The following GALNT13 variants were observed in gnomAD, a reference collection of about 807,000 sequenced individuals.
GALNT13 encodes the protein UDP-GalNAc:polypeptide N-acetylgalactosaminyltransferase 13.
A neutral mutation model predicts 64.2 loss-of-function variants in GALNT13; 28 were observed. That is an observed-to-expected ratio of 0.44 (90% CI 0.32 to 0.60). GALNT13 has a LOEUF of 0.60. Ranked by LOEUF, GALNT13 falls within the 20% of genes least tolerant of loss-of-function variation. The pLI, the probability that GALNT13 is intolerant of heterozygous loss-of-function variation, is 0.05. For synonymous variants in GALNT13, 214 were observed against 224.6 expected, an observed-to-expected ratio of 0.95 and a Z score of 0.42; for missense variants, 577 against 669.8, an observed-to-expected ratio of 0.86 and a Z score of 1.53.
intron 3 of GALNT13, among the ~76,000 whole-genome samples, chr2:154,067,735 TAAAGC>T (rs1700542100): frequency 6.6e-6 from 1 of 152,056 alleles, no homozygotes; most frequent in African/African-American, 2.4e-5. Context: ...ATTAAATACT[TAAAGC>T]TAAGACTTGA....
chr2:153,455,805 AT>A, the GALNT13 span, among the ~76,000 whole-genome samples: 2 of 152,160 alleles, frequency 1.3e-5, no homozygotes, highest in Admixed American at 1.3e-4. Context: ...TTGTGTCTGC[AT>A]TTGTGGCTCC....
the GALNT13 span, among the ~76,000 whole-genome samples, chr2:153,075,226 A>G: frequency 6.6e-6 from 1 of 152,202 alleles, no homozygotes; most frequent in Non-Finnish European, 1.5e-5. Flanking sequence ...AGTGGAAAAT[A>G]GAATACCGGT....
chr2:153,539,813 A>T, the GALNT13 span, among the ~76,000 whole-genome samples: 1 of 151,942 alleles, frequency 6.6e-6, no homozygotes, highest in Non-Finnish European at 1.5e-5. Flanking sequence ...GTATAGTTTG[A>T]AGTCAGGTAG....
chr2:154,388,559 A>G (rs769916201), intron 9 of GALNT13, among the ~76,000 whole-genome samples: 27 of 152,164 alleles, frequency 1.8e-4, no homozygotes, highest in Non-Finnish European at 3.4e-4. Flanking sequence ...TTTGATTTTT[A>G]TATTTGGTAT....
chr2:153,201,085 G>T, the GALNT13 span, among the ~76,000 whole-genome samples: 1 of 152,102 alleles, frequency 6.6e-6, no homozygotes, highest in African/African-American at 2.4e-5. Flanking sequence ...GAAATTCCCC[G>T]GTTTCTCTGA....
At chr2:153,583,259 T>C in the GALNT13 span, among the ~76,000 whole-genome samples, 1 of 152,190 alleles carries the variant, frequency 6.6e-6, no homozygotes, top group Non-Finnish European at 1.5e-5. Context: ...GCAAAAATTG[T>C]TTCAACATGT....
chr2:153,319,936 G>T, the GALNT13 span, among the ~76,000 whole-genome samples: 1 of 152,228 alleles, frequency 6.6e-6, no homozygotes, highest in African/African-American at 2.4e-5. Context: ...AGTGGAAGGG[G>T]AGACCAACCA....
chr2:154,297,152 G>A (rs1257044856), intron 8 of GALNT13, among the ~76,000 whole-genome samples: 1 of 151,640 alleles, frequency 6.6e-6, no homozygotes, highest in African/African-American at 2.4e-5. Context: ...AGTGCAATGA[G>A]AAACCATTCA....
At chr2:153,771,961 G>A in the GALNT13 span, among the ~76,000 whole-genome samples, 1 of 152,252 alleles carries the variant, frequency 6.6e-6, no homozygotes, top group Middle Eastern at 3.4e-3. Context: ...GCAGTCCGGG[G>A]CACCCAGCAA....
intron 1 of GALNT13, among the ~76,000 whole-genome samples, chr2:153,876,634 A>C (rs2105225292): frequency 6.6e-6 from 1 of 152,260 alleles, no homozygotes; most frequent in East Asian, 1.9e-4. Flanking sequence ...TGTATCTATT[A>C]TAATACATTT....
chr2:154,148,360 A>G (rs1181151856), intron 4 of GALNT13, among the ~76,000 whole-genome samples: 1 of 152,052 alleles, frequency 6.6e-6, no homozygotes, highest in Admixed American at 6.6e-5. Context: ...AGTCTTTGCT[A>G]TTGTGAATAG....
At chr2:153,874,668 A>G (rs982846397) in intron 1 of GALNT13, among the ~76,000 whole-genome samples, 1 of 152,128 alleles carries the variant, frequency 6.6e-6, no homozygotes, top group African/African-American at 2.4e-5. Flanking sequence ...AGGTATGCTA[A>G]GGAGCCTGCA....
At chr2:153,250,180 C>G in the GALNT13 span, among the ~76,000 whole-genome samples, 1 of 152,030 alleles carries the variant, frequency 6.6e-6, no homozygotes, top group Admixed American at 6.6e-5. Flanking sequence ...GGAACTTAAA[C>G]AAATTTACAA....
intron 7 of GALNT13, among the ~76,000 whole-genome samples, chr2:154,252,417 C>T (rs1457786268): frequency 4.7e-5 from 7 of 150,528 alleles, no homozygotes; most frequent in East Asian, 3.9e-4. Context: ...GTTACAGTGG[C>T]GCCATCTTGG....
the GALNT13 span, among the ~76,000 whole-genome samples, chr2:153,224,047 A>G: frequency 6.6e-6 from 1 of 152,220 alleles, no homozygotes; most frequent in African/African-American, 2.4e-5. Flanking sequence ...AATGTATAGC[A>G]TAAGTAAATG....
chr2:153,369,244 A>G, the GALNT13 span, among the ~76,000 whole-genome samples: 1 of 152,090 alleles, frequency 6.6e-6, no homozygotes, highest in East Asian at 1.9e-4. Context: ...ATCAGCTTCC[A>G]TCAGAACAAA....
chr2:153,552,810 C>T, the GALNT13 span, among the ~76,000 whole-genome samples: 1 of 151,998 alleles, frequency 6.6e-6, no homozygotes, highest in African/African-American at 2.4e-5. Flanking sequence ...TGTTCCATCT[C>T]AGATCATCAG....
At chr2:153,654,247 G>A in the GALNT13 span, among the ~76,000 whole-genome samples, 5 of 152,000 alleles carry the variant, frequency 3.3e-5, no homozygotes, top group Non-Finnish European at 7.4e-5. Flanking sequence ...TAAGGATGAA[G>A]AATTATTTTA....
At chr2:153,658,486 G>A in the GALNT13 span, among the ~76,000 whole-genome samples, 1 of 152,070 alleles carries the variant, frequency 6.6e-6, no homozygotes, top group South Asian at 2.1e-4. Flanking sequence ...CCCAACTATA[G>A]CAGGGTCTTG....
Sources: gnomAD v4.1 joint callset for allele counts (sites outside exome capture counted in the v4.1 genomes callset) on GRCh38, gnomAD v4.1.1 for gene constraint, MANE v1.5 for transcripts, NCBI Gene and HGNC (gene_info 2026-07-23, HGNC 2026-07-21) for gene names.